The following TOM1L1 variants were observed in gnomAD, a reference collection of about 807,000 sequenced individuals.
TOM1L1 encodes the protein target of myb1 like 1 membrane trafficking protein.
A neutral mutation model predicts 63.4 loss-of-function variants in TOM1L1; 64 were observed. The observed-to-expected ratio is 1.01, with a 90% CI of 0.83 to 1.24. TOM1L1 has a LOEUF of 1.24. TOM1L1 is among the 50% of genes most tolerant of loss of function. TOM1L1 has a pLI of 0.00. For missense variants in TOM1L1, 536 were observed against 567.0 expected (o/e 0.95, Z 0.55); for synonymous variants, 166 against 194.4 (o/e 0.85, Z 1.22).
chr17:54,953,017 C>T (rs942707843), intron 14 of TOM1L1: 2 of 152,230 alleles, frequency 1.3e-5, no homozygotes, highest in Admixed American at 6.5e-5. Flanking sequence ...CCCTTATATA[C>T]ATTTCTTCCT....
chr17:54,916,012 C>T, intron 7 of TOM1L1, 150 bp downstream of exon 7: 1 of 511,518 alleles, frequency 2.0e-6, no homozygotes, highest in Non-Finnish European at 3.4e-6. Flanking sequence ...ACAAAAATAT[C>T]CAAGAATGAC....
chr17:54,953,716 C>G (rs2049350181), intron 14 of TOM1L1: 1 of 152,222 alleles, frequency 6.6e-6, no homozygotes, highest in Non-Finnish European at 1.5e-5. Context: ...GCCGCATCTT[C>G]TTGTCTTCCT....
chr17:54,958,730 C>CA lies in TOM1L1; in HGVS notation c.1371-1818dup, dbSNP rs61603848. Among the ~76,000 whole-genome samples, 154 of 57,462 alleles carry CA rather than the reference C, an allele frequency of 2.7e-3. 2 individuals are homozygous for CA. The highest frequency in any genetic ancestry group is 0.012 in the Middle Eastern group (1 of 82). 37.7% of individuals were successfully genotyped at this position (57,462 alleles called of 152,430 possible). On this transcript the variant is annotated intron_variant, in intron 14 of 15. Transcript: ENST00000575882. The stretch of plus-strand genomic sequence containing the variant: ...GGGCAACAAGAGTGAAACTCCATCT[C>CA]AAAAAAAAAAAAAAAAAAGGGGTTG...
intron 12 of TOM1L1, 78 bp downstream of exon 12, chr17:54,947,390 A>T: frequency 6.8e-7 from 1 of 1,479,038 alleles, no homozygotes; most frequent in East Asian, 2.3e-5. Flanking sequence ...ATGGTCATTA[A>T]TTCCCATGTT....
At chr17:54,932,186 C>T (rs969622311) in intron 8 of TOM1L1, among the ~76,000 whole-genome samples, 14 of 152,056 alleles carry the variant, frequency 9.2e-5, no homozygotes, top group African/African-American at 1.7e-4. Context: ...CCGAGCTCCC[C>T]GAGTGAGCAA....
chr17:54,925,557 C>T (rs1180549938), intron 7 of TOM1L1, among the ~76,000 whole-genome samples: 1 of 152,186 alleles, frequency 6.6e-6, no homozygotes, highest in Admixed American at 6.5e-5. Flanking sequence ...CTTGGCTGCT[C>T]TTGCACATAT....
In TOM1L1 at chr17:54,949,577, A is replaced by G. The variant is rs145349528; in HGVS notation, c.1242A>G (p.Ala414=). Residue 414 remains alanine (A), a synonymous_variant, in exon 13 of 16, where the codon GCA becomes GCG. Transcript: ENST00000575882. The part of the protein sequence containing the change: ...LQPVSLQTIA[A]APSNQSLPPL... The stretch of plus-strand genomic sequence containing the variant: ...CAGTTAGTCTACAAACCATTGCAGC[A>G]GCACCATCAAACCAGAGTCTGCCAC... 6.1e-5 allele frequency: 98 copies of G among 1,613,952 alleles called. No homozygotes were observed. The highest frequency in any genetic ancestry group is 7.9e-5 in the Non-Finnish European group (93 of 1,179,980).
At chr17:54,926,130 C>T (rs543888942) in intron 7 of TOM1L1, among the ~76,000 whole-genome samples, 81 of 152,298 alleles carry the variant, frequency 5.3e-4, no homozygotes, top group African/African-American at 1.9e-3. Context: ...GAGGGTCTTG[C>T]TCTTTGTTAG....
chr17:54,930,468 G>A, intron 8 of TOM1L1: 2 of 332,804 alleles, frequency 6.0e-6, no homozygotes, highest in Non-Finnish European at 1.1e-5. Context: ...ACTTTTGGAG[G>A]CCGAGGCAGG....
At chr17:54,932,397 C>T (rs1013674419) in intron 8 of TOM1L1, among the ~76,000 whole-genome samples, 42 of 152,076 alleles carry the variant, frequency 2.8e-4, no homozygotes, top group Admixed American at 2.7e-3. Context: ...GGTCAGGGGT[C>T]GATCTTTAAC....
At chr17:54,958,748 A>AAAAAAAAAAAAAGG (rs372776781) in intron 14 of TOM1L1, among the ~76,000 whole-genome samples, 2 of 118,928 alleles carry the variant, frequency 1.7e-5, no homozygotes, top group Admixed American at 9.2e-5. Flanking sequence ...AAAAAAAAAA[A>AAAAAAAAAAAAAGG]GGGGTTGTTG....
At chr17:54,921,595 G>A (rs1366271287) in intron 7 of TOM1L1, among the ~76,000 whole-genome samples, 3 of 151,984 alleles carry the variant, frequency 2.0e-5, no homozygotes, top group Admixed American at 1.3e-4. Flanking sequence ...AAAATTAACC[G>A]GACATGGTGG....
intron 11 of TOM1L1, among the ~76,000 whole-genome samples, chr17:54,939,505 G>T (rs2049003488): frequency 6.6e-6 from 1 of 152,122 alleles, no homozygotes; most frequent in Non-Finnish European, 1.5e-5. Flanking sequence ...TTGCTGTGTG[G>T]CAGGCACTCA....
At chr17:54,902,093 G>A (rs1597994239) in intron 1 of TOM1L1, among the ~76,000 whole-genome samples, 1 of 152,176 alleles carries the variant, frequency 6.6e-6, no homozygotes, top group African/African-American at 2.4e-5. Flanking sequence ...AAACCTGAGG[G>A]AACTCACTTT....
At position 54,922,644 on chromosome 17, in the gene TOM1L1, G is replaced by C. The variant is rs1404151585; in HGVS notation, c.720+6782G>C. On this transcript the variant is annotated intron_variant, in intron 7 of 15. Coordinates refer to ENST00000575882, the MANE Select transcript of TOM1L1 (RefSeq NM_005486.3). ...TTCTTTAAGAAAATTATAAGGAAGAGAACATATATTTACTATTCATTAAGT... is the reference window on the plus strand; with the variant it reads ...TTCTTTAAGAAAATTATAAGGAAGACAACATATATTTACTATTCATTAAGT... 2.0e-5 allele frequency among the ~76,000 whole-genome samples: 3 copies of C among 152,054 alleles called. No homozygotes were observed. The South Asian group carries it at 6.2e-4, about 32-fold the overall frequency.
intron 14 of TOM1L1, among the ~76,000 whole-genome samples, chr17:54,958,725 C>A (rs1425605312): frequency 2.0e-5 from 1 of 49,936 alleles, no homozygotes; most frequent in Non-Finnish European, 4.1e-5. Context: ...AGTGAAACTC[C>A]ATCTCAAAAA....
chr17:54,939,124 A>T lies in TOM1L1; in HGVS notation c.1130+104A>T, dbSNP rs528216395. The T allele has an allele frequency of 2.8e-4, 211 of 763,430 alleles. No individual in the cohort carries two copies. In the Middle Eastern group the frequency reaches 3.6e-3, roughly 13 times the overall value. 47.3% of individuals were successfully genotyped at this position (763,430 alleles called of 1,614,324 possible). ...CGCAGTGACTTACATCTGTAATCCTAGCACTTTGGGAGGCCAAGGCACATG... is the reference window on the plus strand; with the variant it reads ...CGCAGTGACTTACATCTGTAATCCTTGCACTTTGGGAGGCCAAGGCACATG... On this transcript the variant is annotated intron_variant, in intron 11 of 15. Coordinates refer to ENST00000575882, the MANE Select transcript of TOM1L1 (RefSeq NM_005486.3).
intron 3 of TOM1L1, among the ~76,000 whole-genome samples, chr17:54,905,907 T>C (rs1286571552): frequency 6.6e-6 from 1 of 152,070 alleles, no homozygotes; most frequent in Non-Finnish European, 1.5e-5. Flanking sequence ...TGGTGGCTCC[T>C]GCCTATAATC....
chr17:54,955,867 G>T (rs747780613), intron 14 of TOM1L1, among the ~76,000 whole-genome samples: 1 of 152,172 alleles, frequency 6.6e-6, no homozygotes, highest in African/African-American at 2.4e-5. Flanking sequence ...CTAGGCAGCC[G>T]CTTCTACTCT....
Sources: allele counts gnomAD v4.1 joint callset (sites outside exome capture counted in the v4.1 genomes callset), GRCh38; gene constraint gnomAD v4.1.1; transcripts MANE v1.5; gene names NCBI Gene and HGNC (gene_info 2026-07-23, HGNC 2026-07-21).